Variants in CXCL13 observed in about 807,000 individuals in gnomAD.
CXCL13 encodes the protein C-X-C motif chemokine ligand 13, also known as C-X-C motif chemokine 13.
In CXCL13, 7 loss-of-function variants were observed where a neutral mutation model predicts 12.2. That is an observed-to-expected ratio of 0.57 (90% CI 0.33 to 1.07). The LOEUF (loss-of-function observed/expected upper bound fraction) is 1.07, where lower values mean the gene tolerates loss of function less well. Ranked by LOEUF, CXCL13 falls within the 50% of genes least tolerant of loss-of-function variation. The pLI is 0.04. For missense variants in CXCL13, 113 were observed against 127.4 expected, an observed-to-expected ratio of 0.89 and a Z score of 0.55; for synonymous variants, 47 against 42.4, an observed-to-expected ratio of 1.11 and a Z score of -0.42.
intron 1 of CXCL13, among the ~76,000 whole-genome samples, chr4:77,571,402 C>T (rs1055787356): frequency 1.1e-4 from 17 of 150,754 alleles, no homozygotes; most frequent in African/African-American, 4.2e-4. Flanking sequence ...TTATGTCTAG[C>T]TCAGGGATTG....
Position 77,610,696 on chromosome 4 carries a change from T to C in CXCL13, c.278+2T>C. The stretch of plus-strand genomic sequence containing the variant: ...AAGAATGATGGAAGTATTGAGAAAG[T>C]AAGTTAGGCATAACAAGGGGTTTCA... On this transcript the variant is annotated splice_donor_variant, in intron 3 of 3. Coordinates refer to ENST00000682537, the MANE Select transcript of CXCL13 (RefSeq NM_001371558.1). LOFTEE classifies it high-confidence loss of function. 6.2e-7 allele frequency: 1 copy of C among 1,607,798 alleles called. No homozygotes were observed.
At chr4:77,563,769 C>T (rs1174153629) in intron 1 of CXCL13, among the ~76,000 whole-genome samples, 2 of 152,166 alleles carry the variant, frequency 1.3e-5, no homozygotes, top group South Asian at 4.1e-4. Context: ...AGGAATTCTC[C>T]TCCTCATTGT....
chr4:77,518,837 A>C (rs1724498577), intron 1 of CXCL13, among the ~76,000 whole-genome samples: 1 of 152,158 alleles, frequency 6.6e-6, no homozygotes, highest in South Asian at 2.1e-4. Flanking sequence ...GCTGGTGAGG[A>C]ACTGCGATCC....
chr4:77,580,173 C>T (rs1726285265), intron 1 of CXCL13, among the ~76,000 whole-genome samples: 3 of 151,954 alleles, frequency 2.0e-5, no homozygotes, highest in Admixed American at 6.6e-5. Context: ...GATAGATACA[C>T]TAAAAGCCCT....
intron 1 of CXCL13, among the ~76,000 whole-genome samples, chr4:77,541,676 G>T (rs536866771): frequency 2.0e-5 from 3 of 152,230 alleles, no homozygotes; most frequent in Non-Finnish European, 4.4e-5. Flanking sequence ...TTTTGCTTAG[G>T]ATTGCTTTGG....
intron 1 of CXCL13, among the ~76,000 whole-genome samples, chr4:77,563,174 G>A (rs749049032): frequency 4.6e-5 from 7 of 152,004 alleles, no homozygotes; most frequent in Admixed American, 2.0e-4. Context: ...AACAAACTCC[G>A]GACGCCCCTT....
intron 1 of CXCL13, among the ~76,000 whole-genome samples, chr4:77,583,014 C>A (rs1726375473): frequency 6.6e-6 from 1 of 152,178 alleles, no homozygotes; most frequent in African/African-American, 2.4e-5. Context: ...CATGCTGTTA[C>A]TGGGGTTGAA....
rs147764960 is a variant in CXCL13 at position 77,524,766 on chromosome 4, T to G, written c.-43+12978T>G. Among the ~76,000 whole-genome samples the G allele has an allele frequency of 4.4e-3, 669 of 152,238 alleles. 18 individuals are homozygous for G. Among genetic ancestry groups the G allele is most frequent in the East Asian group, 0.026 (136 of 5,162 alleles). ...GTCCCAGTGAGATGAACCAGGTACC[T>G]CAGTTGGAAATGCAGAAGTCCCCTG... On this transcript the variant is annotated intron_variant, in intron 1 of 4. Coordinates refer to the CXCL13 transcript ENST00000286758.
chr4:77,570,111 TA>T (rs766202679), intron 1 of CXCL13, among the ~76,000 whole-genome samples: 2 of 152,060 alleles, frequency 1.3e-5, no homozygotes, highest in African/African-American at 2.4e-5. Context: ...TTACACCTTA[TA>T]AAAAAACTAA....
intron 1 of CXCL13, among the ~76,000 whole-genome samples, chr4:77,546,751 C>T (rs1402513853): frequency 3.3e-5 from 5 of 152,192 alleles, no homozygotes; most frequent in Non-Finnish European, 7.3e-5. Flanking sequence ...CAGTTCTGCT[C>T]TGATCTTTGT....
chr4:77,520,035 T>A (rs1724547549), intron 1 of CXCL13, among the ~76,000 whole-genome samples: 1 of 152,160 alleles, frequency 6.6e-6, no homozygotes, highest in African/African-American at 2.4e-5. Flanking sequence ...AGATGTGTGG[T>A]GTTATTTCTG....
chr4:77,553,485 C>A (rs1333282925), intron 1 of CXCL13, among the ~76,000 whole-genome samples: 1 of 152,238 alleles, frequency 6.6e-6, no homozygotes, highest in African/African-American at 2.4e-5. Flanking sequence ...TCAAGCCTTT[C>A]CCCAGTATAG....
intron 1 of CXCL13, among the ~76,000 whole-genome samples, chr4:77,590,900 G>T (rs1726589911): frequency 1.3e-5 from 2 of 152,150 alleles, no homozygotes; most frequent in Admixed American, 6.5e-5. Flanking sequence ...TATTTATTGA[G>T]ATGGAGTCTC....
intron 1 of CXCL13, among the ~76,000 whole-genome samples, chr4:77,514,981 G>T (rs1162764488): frequency 6.6e-6 from 1 of 152,050 alleles, no homozygotes; most frequent in African/African-American, 2.4e-5. Context: ...ATTGATTTTT[G>T]TATAAGGTGT....
At chr4:77,553,930 T>C (rs1725595128) in intron 1 of CXCL13, among the ~76,000 whole-genome samples, 1 of 152,184 alleles carries the variant, frequency 6.6e-6, no homozygotes, top group African/African-American at 2.4e-5. Flanking sequence ...TTTTGCTAAA[T>C]GAGTAGACTA....
At chr4:77,539,917 A>C (rs2109800203) in intron 1 of CXCL13, among the ~76,000 whole-genome samples, 1 of 152,262 alleles carries the variant, frequency 6.6e-6, no homozygotes, top group East Asian at 1.9e-4. Context: ...TACCTACTGT[A>C]ATAGTGGCAT....
intron 1 of CXCL13, among the ~76,000 whole-genome samples, chr4:77,541,344 A>G (rs1030249285): frequency 2.6e-5 from 4 of 152,138 alleles, no homozygotes; most frequent in Non-Finnish European, 5.9e-5. Context: ...GATGTCCAGA[A>G]TGGTGGTTCC....
chr4:77,527,468 C>A (rs1724796431), intron 1 of CXCL13, among the ~76,000 whole-genome samples: 1 of 151,972 alleles, frequency 6.6e-6, no homozygotes, highest in Non-Finnish European at 1.5e-5. Context: ...CCCATCTCTA[C>A]AGAAAATACA....
chr4:77,561,023 C>T (rs1244648284), intron 1 of CXCL13, among the ~76,000 whole-genome samples: 5 of 152,162 alleles, frequency 3.3e-5, no homozygotes, highest in South Asian at 2.1e-4. Context: ...TTAACACAAG[C>T]TGGTTATGTT....
Sources: allele counts gnomAD v4.1 joint callset (sites outside exome capture counted in the v4.1 genomes callset), GRCh38; gene constraint gnomAD v4.1.1; transcripts MANE v1.5; gene names NCBI Gene and HGNC (gene_info 2026-07-23, HGNC 2026-07-21).